The following TASP1 variants were observed in gnomAD, a reference collection of about 807,000 sequenced individuals.
The protein encoded by TASP1 is threonine aspartase 1.
A neutral mutation model predicts 56.6 loss-of-function variants in TASP1; 16 were observed. The ratio of observed to expected loss-of-function variants is 0.28; its 90% CI spans 0.19 to 0.43. TASP1 has a LOEUF of 0.43. Ranked by LOEUF, TASP1 falls within the 20% of genes least tolerant of loss-of-function variation. The pLI, the probability that TASP1 is intolerant of heterozygous loss-of-function variation, is 1.00. For missense variants in TASP1, 393 were observed against 511.6 expected, an observed-to-expected ratio of 0.77 and a Z score of 2.24; for synonymous variants, 179 against 184.2, an observed-to-expected ratio of 0.97 and a Z score of 0.23.
chr20:13,121,861 G>A, the TASP1 span, among the ~76,000 whole-genome samples: 13 of 152,294 alleles, frequency 8.5e-5, no homozygotes, highest in East Asian at 2.5e-3. Context: ...ACATTAAAAA[G>A]AACCAGTGCT....
the TASP1 span, among the ~76,000 whole-genome samples, chr20:13,312,528 C>A: frequency 6.6e-6 from 1 of 152,212 alleles, no homozygotes; most frequent in South Asian, 2.1e-4. Context: ...GAACCATGTT[C>A]TAAATTCAGC....
chr20:13,130,126 A>G, the TASP1 span, among the ~76,000 whole-genome samples: 35,794 of 152,176 alleles, frequency 0.24, 4,555 homozygotes, highest in South Asian at 0.44. Flanking sequence ...TGAAGCAGTG[A>G]AAGTCATACA....
In TASP1 at chr20:13,513,994, T is replaced by A. The variant is rs574944452; in HGVS notation, c.874+14439A>T. 2.6e-5 allele frequency among the ~76,000 whole-genome samples: 4 copies of A among 152,276 alleles called. No individual in the cohort carries two copies. In the East Asian group the frequency reaches 7.7e-4, roughly 29 times the overall value. The stretch of plus-strand genomic sequence containing the variant: ...ATATCCCACAAAATTTACTTTTGCA[T>A]GAGAAGGAAAGCATAACAGGTAGAG... On this transcript the variant is annotated intron_variant, in intron 10 of 13. Coordinates refer to ENST00000337743, the MANE Select transcript of TASP1 (RefSeq NM_017714.3).
chr20:13,589,664 G>GA (rs1280469239), intron 4 of TASP1, among the ~76,000 whole-genome samples: 6 of 151,478 alleles, frequency 4.0e-5, no homozygotes, highest in Non-Finnish European at 7.4e-5. Flanking sequence ...AAAATAGGGG[G>GA]AAAAAAACAC....
chr20:13,171,649 T>G, the TASP1 span, among the ~76,000 whole-genome samples: 128 of 152,304 alleles, frequency 8.4e-4, 2 homozygotes, highest in East Asian at 0.024. Context: ...TTTGAGCATC[T>G]ATTGTTTCTA....
intron 10 of TASP1, among the ~76,000 whole-genome samples, chr20:13,499,102 C>T (rs1264783597): frequency 6.6e-6 from 1 of 152,120 alleles, no homozygotes; most frequent in Admixed American, 6.6e-5. Context: ...AAATGTGGTA[C>T]ATATACGCCC....
chr20:13,578,231 T>G (rs564487925), intron 6 of TASP1, among the ~76,000 whole-genome samples: 27 of 152,240 alleles, frequency 1.8e-4, no homozygotes, highest in South Asian at 1.2e-3. Flanking sequence ...AACAATTCCT[T>G]GATTAATATT....
chr20:13,530,102 T>C (rs2146869895), intron 9 of TASP1, among the ~76,000 whole-genome samples: 2 of 152,296 alleles, frequency 1.3e-5, no homozygotes, highest in South Asian at 4.2e-4. Context: ...CCCAAATTTG[T>C]GAGCTGTTCC....
At chr20:13,349,446 TCTTC>T in the TASP1 span, among the ~76,000 whole-genome samples, 4 of 152,174 alleles carry the variant, frequency 2.6e-5, no homozygotes, top group African/African-American at 7.2e-5. Flanking sequence ...CCAAAACCAC[TCTTC>T]CCATAAGTCC....
At chr20:13,567,025 C>A (rs1303731060) in intron 7 of TASP1, among the ~76,000 whole-genome samples, 1 of 152,130 alleles carries the variant, frequency 6.6e-6, no homozygotes, top group African/African-American at 2.4e-5. Context: ...TGGAATCAAC[C>A]TAAATGCCCA....
chr20:13,574,618 A>C (rs1448795307), intron 6 of TASP1, among the ~76,000 whole-genome samples: 1 of 117,078 alleles, frequency 8.5e-6, no homozygotes, highest in Non-Finnish European at 1.7e-5. Flanking sequence ...CATGTTAAGT[A>C]GATACATGGA....
At chr20:13,194,267 G>A in the TASP1 span, among the ~76,000 whole-genome samples, 4 of 152,032 alleles carry the variant, frequency 2.6e-5, no homozygotes, top group Admixed American at 2.0e-4. Flanking sequence ...CCATGGATTA[G>A]GACAATATGG....
intron 13 of TASP1, among the ~76,000 whole-genome samples, chr20:13,405,177 G>A (rs1406122030): frequency 1.3e-5 from 2 of 152,166 alleles, no homozygotes; most frequent in Non-Finnish European, 1.5e-5. Context: ...GAGATTATGA[G>A]AAACCTATGA....
chr20:13,369,513 G>C, the TASP1 span, among the ~76,000 whole-genome samples: 3 of 152,190 alleles, frequency 2.0e-5, no homozygotes, highest in South Asian at 4.1e-4. Context: ...GGGCTTATCT[G>C]TATGTTCATG....
chr20:13,524,357 ATG>A (rs1335017842), intron 10 of TASP1, among the ~76,000 whole-genome samples: 1 of 152,130 alleles, frequency 6.6e-6, no homozygotes, highest in Non-Finnish European at 1.5e-5. Flanking sequence ...CTGAAAAATT[ATG>A]TGTGAATTCA....
At chr20:13,424,086 C>A (rs763140190) in intron 12 of TASP1, among the ~76,000 whole-genome samples, 1 of 152,124 alleles carries the variant, frequency 6.6e-6, no homozygotes, top group Admixed American at 6.5e-5. Context: ...CAGAACAAAA[C>A]AAACACGCAC....
chr20:13,435,127 C>T lies in TASP1; in HGVS notation c.1013G>A (p.Gly338Asp), dbSNP rs979610321. ...ISSPFLASEDGVLGGVIVLRS... is the reference protein window; with the variant it reads ...ISSPFLASEDDVLGGVIVLRS... Reference sequence around the variant, plus strand: ...GAGGACAATCACTCCGCCAAGCACGCCATCTTCACTGGCAAGGAAAGGTGA... The same window carrying T: ...GAGGACAATCACTCCGCCAAGCACGTCATCTTCACTGGCAAGGAAAGGTGA... The change falls in exon 12 of 14, where the codon GGC (glycine) becomes GAC (aspartate). Residue 338 changes from glycine (G) to aspartate (D), a missense_variant. Gly to Asp is a moderately conservative substitution (Grantham distance 94). Coordinates refer to ENST00000337743, the MANE Select transcript of TASP1 (RefSeq NM_017714.3). 3 of 1,607,824 alleles carry T rather than the reference C, an allele frequency of 1.9e-6. No individual in the cohort carries two copies. In the African/African-American group the frequency reaches 4.0e-5, roughly 22 times the overall value.
At position 13,584,754 on chromosome 20, in the gene TASP1, CTAG is replaced by C. The variant is rs1432177905; in HGVS notation, c.403+2493_403+2495del. Among the ~76,000 whole-genome samples, 77 of 152,134 alleles carry C rather than the reference CTAG, an allele frequency of 5.1e-4. 1 individual carries two copies. In the East Asian group the frequency reaches 0.01, roughly 20 times the overall value. Reference sequence around the variant, plus strand: ...ATTCTCTGGCCACAGTGGAATTAAACTAGAAATCAACAAAGAAAGCTAACTAAA... The same window carrying C: ...ATTCTCTGGCCACAGTGGAATTAAACAAATCAACAAAGAAAGCTAACTAAA... On this transcript the variant is annotated intron_variant, in intron 5 of 13. Coordinates refer to ENST00000337743, the MANE Select transcript of TASP1 (RefSeq NM_017714.3).
chr20:13,572,170 C>T (rs1403287992), intron 6 of TASP1, among the ~76,000 whole-genome samples: 1 of 152,124 alleles, frequency 6.6e-6, no homozygotes, highest in Non-Finnish European at 1.5e-5. Context: ...TTCGTTTCTT[C>T]ATCAACATAT....
Sources: allele counts gnomAD v4.1 joint callset (sites outside exome capture counted in the v4.1 genomes callset), GRCh38; gene constraint gnomAD v4.1.1; transcripts MANE v1.5; gene names NCBI Gene and HGNC (gene_info 2026-07-23, HGNC 2026-07-21).